The following ETNPPL variants were observed in gnomAD, a reference collection of about 807,000 sequenced individuals.
ETNPPL encodes ethanolamine-phosphate phospho-lyase.
A neutral mutation model predicts 55.5 loss-of-function variants in ETNPPL; 30 were observed. The observed-to-expected ratio is 0.54, with a 90% CI of 0.40 to 0.73. ETNPPL has a LOEUF of 0.73. ETNPPL is among the 30% of genes least tolerant of loss of function. ETNPPL has a pLI of 0.00. For missense variants in ETNPPL, 528 were observed against 607.9 expected (o/e 0.87, Z 1.38); for synonymous variants, 202 against 207.2 (o/e 0.98, Z 0.21).
At chr4:108,743,931 G>T in intron 11 of ETNPPL, 75 bp from the exon 12 acceptor site, 1 of 910,354 alleles carries the variant, frequency 1.1e-6, no homozygotes, top group Non-Finnish European at 1.8e-6. Context: ...TGGTATCTTA[G>T]CAATACCTTT....
chr4:108,746,027 G>A (rs1010404395), intron 11 of ETNPPL, among the ~76,000 whole-genome samples: 1 of 150,982 alleles, frequency 6.6e-6, no homozygotes. Context: ...TATTAGAAAT[G>A]TTTCATGTAT....
Position 108,760,253 on chromosome 4 carries a change from T to C in ETNPPL, c.110A>G (p.Gln37Arg). Residue 37 changes from glutamine (Q) to arginine (R), a missense_variant, in exon 2 of 13, where the codon CAG becomes CGG. Coordinates refer to ENST00000296486, the MANE Select transcript of ETNPPL (RefSeq NM_031279.4). Reference protein sequence around the residue: ...ASDPIKIVRAQRQYMFDENGE... With the variant: ...ASDPIKIVRARRQYMFDENGE... ...GTTCTCATCAAACATGTACTGCCTC[T>C]GGGCTCTCACTATTTTGATGGGATC... 6.2e-7 allele frequency: 1 copy of C among 1,613,150 alleles called. No individual in the cohort carries two copies. Among genetic ancestry groups the C allele is most frequent in the Non-Finnish European group, 8.5e-7 (1 of 1,179,246 alleles).
At position 108,760,206 on chromosome 4, in the gene ETNPPL, T is replaced by C. The variant is rs1454946126; in HGVS notation, c.157A>G (p.Ile53Val). 3 of 1,601,012 alleles carry C rather than the reference T, an allele frequency of 1.9e-6. No homozygotes were observed. The highest frequency in any genetic ancestry group is 1.7e-6 in the Non-Finnish European group (2 of 1,168,674). ...DENGEQYLDCINNVAHVGHCH... is the reference protein window; with the variant it reads ...DENGEQYLDCVNNVAHVGHCH... ...CATTTACCATGGGCAACATTGTTGA[T>C]GCAGTCCAAGTACTGTTCACCGTTC... Residue 53 changes from isoleucine (I) to valine (V), a missense_variant, in exon 2 of 13, where the codon ATC (isoleucine) becomes GTC (valine). Ile to Val is a conservative substitution (Grantham distance 29). Coordinates refer to ENST00000296486, the MANE Select transcript of ETNPPL (RefSeq NM_031279.4).
In ETNPPL at chr4:108,758,867, A is replaced by G. The variant is rs139531028; in HGVS notation, c.335+882T>C. Among the ~76,000 whole-genome samples, 1,220 of 152,270 alleles carry G rather than the reference A, an allele frequency of 8.0e-3. 19 individuals are homozygous for G. Among genetic ancestry groups the G allele is most frequent in the African/African-American group, 0.028 (1,155 of 41,564 alleles). On this transcript the variant is annotated intron_variant, in intron 3 of 12. Coordinates refer to ENST00000296486, the MANE Select transcript of ETNPPL (RefSeq NM_031279.4). Reference sequence around the variant, plus strand: ...GGAGTTTGAGACCATCCTGACCAACATGGAGAAACTCCATCTCTACTAGAA... The same window carrying G: ...GGAGTTTGAGACCATCCTGACCAACGTGGAGAAACTCCATCTCTACTAGAA...
chr4:108,762,661 A>G, intron 1 of ETNPPL, 182 bp downstream of exon 1: 1 of 740,566 alleles, frequency 1.4e-6, no homozygotes, highest in Non-Finnish European at 2.4e-6. Context: ...GGGTTCCAGG[A>G]GCGTTTCTGG....
intron 9 of ETNPPL, among the ~76,000 whole-genome samples, chr4:108,747,144 ATATAATAT>A (rs1273422480): frequency 4.2e-5 from 1 of 23,650 alleles, no homozygotes; most frequent in African/African-American, 2.4e-4. Context: ...ATATATATAT[ATATAATAT>A]ATATATATAT....
chr4:108,745,533 G>T (rs965374637), intron 11 of ETNPPL, among the ~76,000 whole-genome samples: 20 of 152,112 alleles, frequency 1.3e-4, no homozygotes, highest in African/African-American at 4.8e-4. Context: ...GGCGGAGGTT[G>T]CAGTGAGCCG....
rs1279383778 is a variant in ETNPPL at position 108,756,507 on chromosome 4, TAG to T, written c.336-17_336-16del. On this transcript the variant is annotated splice_polypyrimidine_tract_variant and intron_variant, in intron 3 of 12. Transcript: ENST00000296486. Reference sequence around the variant, plus strand: ...TGGCTTCGGATCTATTAAGATAACATAGAGAGAGAGGACACTGTGACAGTCTC... The same window carrying T: ...TGGCTTCGGATCTATTAAGATAACATAGAGAGAGGACACTGTGACAGTCTC... 5.0e-6 allele frequency: 8 copies of T among 1,601,138 alleles called. No homozygotes were observed. The South Asian group carries it at 5.5e-5, about 11-fold the overall frequency.
At position 108,760,221 on chromosome 4, in the gene ETNPPL, G is replaced by A. The variant is rs767197265; in HGVS notation, c.142C>T (p.Gln48Ter). 3 of 1,610,304 alleles carry A rather than the reference G, an allele frequency of 1.9e-6. No individual in the cohort carries two copies. The highest frequency in any genetic ancestry group is 2.5e-6 in the Non-Finnish European group (3 of 1,176,852). The change falls in exon 2 of 13, where the codon CAG becomes TAG. Residue 48 changes from glutamine to a stop codon, truncating the protein, a stop_gained. Transcript: ENST00000296486. LOFTEE classifies it high-confidence loss of function. ...ACATTGTTGATGCAGTCCAAGTACT[G>A]TTCACCGTTCTCATCAAACATGTAC... ...RQYMFDENGE[Q>*]YLDCINNVAH...
In ETNPPL at chr4:108,750,638, G is replaced by T. The variant is rs563502682; in HGVS notation, c.701+298C>A. Among the ~76,000 whole-genome samples, 121 of 116,254 alleles carry T rather than the reference G, an allele frequency of 1.0e-3. 2 individuals are homozygous for T. Among genetic ancestry groups the T allele is most frequent in the African/African-American group, 4.3e-3 (109 of 25,550 alleles). 76.3% of individuals were successfully genotyped at this position (116,254 alleles called of 152,430 possible). On this transcript the variant is annotated intron_variant, in intron 7 of 12. Transcript: ENST00000296486. ...GGATATATATATATCCTATTAGTTTGGTCCCTCTAGAGAACCCTGACCAAT... is the reference window on the plus strand; with the variant it reads ...GGATATATATATATCCTATTAGTTTTGTCCCTCTAGAGAACCCTGACCAAT...
At position 108,751,005 on chromosome 4, in the gene ETNPPL, A is replaced by G. The variant is rs1223510437; in HGVS notation, c.632T>C (p.Ile211Thr). ...GCCACAACTCTGCATGGATTCAGCA[A>G]TAAAGGCAGCAATCTATACAAGAGA... ...HNSGRKIAAFIAESMQSCGGQ... is the reference protein window; with the variant it reads ...HNSGRKIAAFTAESMQSCGGQ... Residue 211 changes from isoleucine to threonine, a missense_variant, in exon 7 of 13, where the codon ATT (isoleucine) becomes ACT (threonine). Ile to Thr is a moderately conservative substitution (Grantham distance 89, BLOSUM62 -1). Transcript: ENST00000296486. 1 of 1,612,808 alleles carries G rather than the reference A, an allele frequency of 6.2e-7. No homozygotes were observed. Among genetic ancestry groups the G allele is most frequent in the African/African-American group, 1.3e-5 (1 of 74,862 alleles).
Position 108,747,181 on chromosome 4 carries a change from AT to A in ETNPPL, c.1083-331del, listed in dbSNP as rs1728612932. ...TATATATATTATATATATATATATAATATATATATATATTATATATATATAT... is the reference window on the plus strand; with the variant it reads ...TATATATATTATATATATATATATAAATATATATATATTATATATATATAT... On this transcript the variant is annotated intron_variant, in intron 9 of 12. Transcript: ENST00000296486. Among the ~76,000 whole-genome samples the A allele has an allele frequency of 2.9e-4, 3 of 10,232 alleles. No homozygotes were observed. The South Asian group carries it at 0.015, about 50-fold the overall frequency. 6.7% of individuals were successfully genotyped at this position (10,232 alleles called of 152,430 possible).
At chr4:108,754,829 A>C (rs1018487492) in intron 4 of ETNPPL, 119 bp from the exon 5 acceptor site, 6 of 676,432 alleles carry the variant, frequency 8.9e-6, no homozygotes, top group Non-Finnish European at 1.3e-5. Context: ...GAATCTCAAC[A>C]CTGGTGCCAG....
Position 108,762,895 on chromosome 4 carries a change from A to C in ETNPPL, c.4T>G (p.Cys2Gly). The change falls in exon 1 of 13, where the codon TGC (cysteine) becomes GGC (glycine). Residue 2 changes from cysteine to glycine, a missense_variant. Transcript: ENST00000296486. ...GTGTCCCGCTTACTGTACAGCTCGC[A>C]CATGGTGGCGGGGTGCAGGGCGCTG... M[C>G]ELYSKRDTLG... is the part of the protein sequence containing the mutation. The C allele has an allele frequency of 6.2e-7, 1 of 1,614,008 alleles. No homozygotes were observed. The highest frequency in any genetic ancestry group is 8.5e-7 in the Non-Finnish European group (1 of 1,179,900).
chr4:108,751,948 T>C (rs1397614525), intron 6 of ETNPPL, among the ~76,000 whole-genome samples: 2 of 152,242 alleles, frequency 1.3e-5, no homozygotes, highest in Non-Finnish European at 2.9e-5. Context: ...CGTAAGATCT[T>C]GTTAATGTAA....
At chr4:108,750,583 AT>A (rs753491404) in intron 7 of ETNPPL, among the ~76,000 whole-genome samples, 5 of 144,438 alleles carry the variant, frequency 3.5e-5, no homozygotes, top group African/African-American at 1.0e-4. Context: ...AATATATATG[AT>A]ATGTGATATA....
chr4:108,745,543 G>A (rs1296547711), intron 11 of ETNPPL, among the ~76,000 whole-genome samples: 1 of 151,896 alleles, frequency 6.6e-6, no homozygotes. Flanking sequence ...GCAGTGAGCC[G>A]AGATCCCACC....
intron 1 of ETNPPL, chr4:108,762,154 C>A: frequency 3.7e-6 from 1 of 273,944 alleles, no homozygotes; most frequent in Non-Finnish European, 7.5e-6. Context: ...ATATGACATC[C>A]AACGAGAGCT....
At chr4:108,760,457 G>A (rs1425990536) in intron 1 of ETNPPL, 151 bp from the exon 2 acceptor site, 12 of 504,332 alleles carry the variant, frequency 2.4e-5, no homozygotes, top group Non-Finnish European at 4.3e-5. Flanking sequence ...TTCATTTCAT[G>A]TAAACCTGGA....
Sources: gnomAD v4.1 joint callset for allele counts (sites outside exome capture counted in the v4.1 genomes callset) on GRCh38, gnomAD v4.1.1 for gene constraint, MANE v1.5 for transcripts, NCBI Gene and HGNC (gene_info 2026-07-23, HGNC 2026-07-21) for gene names.